Variants in FOXP2 observed in about 807,000 individuals in gnomAD.
FOXP2 encodes the protein forkhead box protein P2.
Under a neutral mutation model 115.8 loss-of-function variants are expected in FOXP2, and 12 were observed. The ratio of observed to expected loss-of-function variants is 0.10; its 90% CI spans 0.07 to 0.17. FOXP2 has a LOEUF of 0.17. Among genes scored for constraint, FOXP2 ranks in the 10% least tolerant of loss-of-function variants. The probability of loss-of-function intolerance (pLI) is 1.00; values close to 1 mark genes in which losing one functional copy is unlikely to be tolerated. For synonymous variants in FOXP2, 328 were observed against 297.7 expected, an observed-to-expected ratio of 1.10 and a Z score of -1.05; for missense variants, 629 against 843.5, an observed-to-expected ratio of 0.75 and a Z score of 3.15.
intron 6 of FOXP2, among the ~76,000 whole-genome samples, chr7:114,631,913 C>A (rs1225761099): frequency 1.3e-5 from 2 of 152,112 alleles, no homozygotes; most frequent in African/African-American, 2.4e-5. Flanking sequence ...GTAAAACTTT[C>A]AAGTTTTTGT....
At chr7:114,572,254 AG>A (rs1305135948) in intron 3 of FOXP2, among the ~76,000 whole-genome samples, 6 of 151,494 alleles carry the variant, frequency 4.0e-5, no homozygotes, top group Non-Finnish European at 8.9e-5. Flanking sequence ...CAAAAAAAAA[AG>A]AAATAATGAA....
intron 2 of FOXP2, among the ~76,000 whole-genome samples, chr7:114,309,715 G>A (rs1298088257): frequency 2.0e-5 from 3 of 152,022 alleles, no homozygotes; most frequent in Admixed American, 6.6e-5. Context: ...GCCCAGGCTA[G>A]AGTGCAGTGG....
At chr7:114,591,697 C>A (rs1802445068) in intron 3 of FOXP2, among the ~76,000 whole-genome samples, 1 of 152,044 alleles carries the variant, frequency 6.6e-6, no homozygotes, top group African/African-American at 2.4e-5. Context: ...GTCTGATTTA[C>A]CACACTGTAG....
intron 1 of FOXP2, among the ~76,000 whole-genome samples, chr7:114,151,811 C>A (rs1041811659): frequency 3.3e-5 from 5 of 152,028 alleles, no homozygotes; most frequent in African/African-American, 1.2e-4. Context: ...GAGCTTGGGG[C>A]ATATGGTGCT....
At chr7:114,336,051 A>T (rs1004070178) in intron 2 of FOXP2, among the ~76,000 whole-genome samples, 7 of 151,738 alleles carry the variant, frequency 4.6e-5, no homozygotes, top group African/African-American at 1.7e-4. Context: ...GGTAAAAAAG[A>T]TACAAAGCTC....
chr7:114,671,691 G>C (rs1247170254), intron 16 of FOXP2, among the ~76,000 whole-genome samples: 1 of 152,102 alleles, frequency 6.6e-6, no homozygotes, highest in African/African-American at 2.4e-5. Flanking sequence ...AAAAAAAAAT[G>C]AAGATCTTAT....
At chr7:114,534,836 A>G in intron 3 of FOXP2, 130 bp downstream of exon 3, 1 of 722,590 alleles carries the variant, frequency 1.4e-6, no homozygotes, top group Non-Finnish European at 2.4e-6. Flanking sequence ...TTAATTCATA[A>G]AGAGAATTCA....
chr7:114,630,066 G>T, intron 5 of FOXP2, 61 bp downstream of exon 5: 2 of 1,600,842 alleles, frequency 1.2e-6, no homozygotes, highest in South Asian at 2.2e-5. Flanking sequence ...GCTTTGAGCG[G>T]CAAGAATAGT....
Position 114,692,843 on chromosome 7 carries a change from T to G in FOXP2, c.*2917T>G, listed in dbSNP as rs913390733. On this transcript the variant is annotated 3_prime_UTR_variant, in exon 17 of 17. Transcript: ENST00000350908. ...CCTGTTTTATTTATCTTTTTTGAGG[T>G]AAACTAATTTTTGATACTTTTCATT... is the stretch of plus-strand genomic sequence containing the variant. The G allele has an allele frequency of 1.6e-5, 7 of 450,684 alleles. No homozygotes were observed. Among genetic ancestry groups the G allele is most frequent in the African/African-American group, 1.4e-4 (7 of 49,798 alleles). The allele number at this position is 450,684 out of a possible 1,614,324, so 27.9% of individuals were successfully genotyped here.
chr7:114,654,700 G>A (rs535482006), intron 10 of FOXP2, among the ~76,000 whole-genome samples: 2 of 152,236 alleles, frequency 1.3e-5, no homozygotes, highest in South Asian at 4.1e-4. Context: ...TCATTCAGCT[G>A]ATGTTTGCAC....
chr7:114,338,385 T>A (rs1293018571), intron 2 of FOXP2, among the ~76,000 whole-genome samples: 1 of 150,904 alleles, frequency 6.6e-6, no homozygotes, highest in Non-Finnish European at 1.5e-5. Context: ...AAATTTAATG[T>A]TGAAAGTTAT....
In FOXP2 at chr7:114,205,261, C is replaced by T. The variant is rs190713686; in HGVS notation, c.-102+42173C>T. On this transcript the variant is annotated intron_variant, in intron 1 of 17. Transcript: ENST00000634411. ...TGGATTTTATATTTCGATTGTATCA[C>T]ATGCAGCCTCACACATTGCGCTCAA... Among the ~76,000 whole-genome samples, 549 of 152,250 alleles carry T rather than the reference C, an allele frequency of 3.6e-3. 1 individual carries two copies. Among genetic ancestry groups the T allele is most frequent in the Middle Eastern group, 6.8e-3 (2 of 294 alleles).
chr7:114,155,393 C>A (rs937223489), intron 1 of FOXP2, among the ~76,000 whole-genome samples: 6 of 152,072 alleles, frequency 3.9e-5, no homozygotes, highest in African/African-American at 1.4e-4. Context: ...CAAATTCCAA[C>A]GTGACTCTAG....
chr7:114,363,878 C>T (rs571594954), intron 2 of FOXP2, among the ~76,000 whole-genome samples: 7 of 152,130 alleles, frequency 4.6e-5, no homozygotes, highest in Admixed American at 1.3e-4. Flanking sequence ...CATTGTTAAG[C>T]GCTAGACTTG....
intron 1 of FOXP2, among the ~76,000 whole-genome samples, chr7:114,093,578 G>T (rs1799584052): frequency 6.6e-6 from 1 of 151,808 alleles, no homozygotes; most frequent in Non-Finnish European, 1.5e-5. Context: ...GGAGGCCAAA[G>T]AAGTTACTTC....
At position 114,375,240 on chromosome 7, in the gene FOXP2, G is replaced by A. The variant is rs1188281477; in HGVS notation, c.-10-51262G>A. 2.0e-5 allele frequency among the ~76,000 whole-genome samples: 3 copies of A among 152,182 alleles called. No individual in the cohort carries two copies. The East Asian group carries it at 5.8e-4, about 29-fold the overall frequency. ...AAACAGATACTCCATTAGTCATTTG[G>A]AACAAAATGTATGTTTTCCTACAAA... On this transcript the variant is annotated intron_variant, in intron 2 of 17. Transcript: ENST00000634411.
intron 1 of FOXP2, among the ~76,000 whole-genome samples, chr7:114,264,831 C>A (rs1795856226): frequency 6.6e-6 from 1 of 152,016 alleles, no homozygotes; most frequent in South Asian, 2.1e-4. Flanking sequence ...ATAGTGAAAG[C>A]AAGAGCAAGA....
At chr7:114,680,091 C>T (rs2129349769) in intron 16 of FOXP2, among the ~76,000 whole-genome samples, 1 of 152,270 alleles carries the variant, frequency 6.6e-6, no homozygotes, top group East Asian at 1.9e-4. Context: ...TAATAACAAA[C>T]TTTATATCTC....
At chr7:114,290,124 A>G (rs1374203484) in intron 2 of FOXP2, among the ~76,000 whole-genome samples, 1 of 151,942 alleles carries the variant, frequency 6.6e-6, no homozygotes, top group Non-Finnish European at 1.5e-5. Flanking sequence ...AGCTATTTTC[A>G]AAAAATACTG....
Sources: allele counts gnomAD v4.1 joint callset (sites outside exome capture counted in the v4.1 genomes callset), GRCh38; gene constraint gnomAD v4.1.1; transcripts MANE v1.5; gene names NCBI Gene and HGNC (gene_info 2026-07-23, HGNC 2026-07-21).